The following HAUS4 variants were observed in gnomAD, a reference collection of about 807,000 sequenced individuals.
HAUS4 encodes HAUS augmin like complex subunit 4.
Under a neutral mutation model 50.6 loss-of-function variants are expected in HAUS4, and 34 were observed. The observed-to-expected ratio is 0.67, with a 90% CI of 0.51 to 0.90. The LOEUF (loss-of-function observed/expected upper bound fraction) is 0.90. Ranked by LOEUF, HAUS4 falls within the 40% of genes least tolerant of loss-of-function variation. The pLI, the probability that HAUS4 is intolerant of heterozygous loss-of-function variation, is 0.00. For synonymous variants in HAUS4, 149 were observed against 161.4 expected, an observed-to-expected ratio of 0.92 and a Z score of 0.58; for missense variants, 370 against 428.7, an observed-to-expected ratio of 0.86 and a Z score of 1.21.
In HAUS4 at chr14:22,952,414, C is replaced by G; in HGVS notation, c.244G>C (p.Glu82Gln). 6.2e-7 allele frequency: 1 copy of G among 1,614,098 alleles called. No homozygotes were observed. Among genetic ancestry groups the G allele is most frequent in the African/African-American group, 1.3e-5 (1 of 75,058 alleles). The change falls in exon 4 of 10, where the codon GAG becomes CAG. Residue 82 changes from glutamate (E) to glutamine (Q), a missense_variant. Transcript: ENST00000541587. ...TCTTGAATGACTCTGTGTAAAATCT[C>G]AGACCTCAACCATGTTGTCTTATGC... ...RLHKTTWLRS[E>Q]ILHRVIQELL... is the part of the protein sequence containing the mutation.
intron 5 of HAUS4, 139 bp downstream of exon 5, chr14:22,951,416 G>C (rs1344126154): frequency 1.1e-6 from 1 of 896,372 alleles, no homozygotes; most frequent in Non-Finnish European, 1.7e-6. Context: ...CCTGTGTAAC[G>C]TTTTTCTTAT....
chr14:22,952,120 C>T (rs1360109356), intron 4 of HAUS4, among the ~76,000 whole-genome samples: 1 of 152,136 alleles, frequency 6.6e-6, no homozygotes, highest in Non-Finnish European at 1.5e-5. Flanking sequence ...CAGGTTCAAG[C>T]GATTCTGCTG....
At chr14:22,949,281 G>A (rs183042101) in intron 6 of HAUS4, among the ~76,000 whole-genome samples, 2 of 152,096 alleles carry the variant, frequency 1.3e-5, no homozygotes, top group East Asian at 1.9e-4. Context: ...TGTAATCCCA[G>A]CACTTTGGGA....
chr14:22,955,003 GT>G, intron 2 of HAUS4, 96 bp downstream of exon 2: 1 of 894,274 alleles, frequency 1.1e-6, no homozygotes. Flanking sequence ...GGGATTACAG[GT>G]GTGAGCCAAT....
chr14:22,952,286 G>C lies in HAUS4; in HGVS notation c.330+42C>G, dbSNP rs370993820. On this transcript the variant is annotated intron_variant, in intron 4 of 9. Coordinates refer to ENST00000541587, the MANE Select transcript of HAUS4 (RefSeq NM_001166269.2). ...GCCTGCCTGGGGCTCCCAAAGTGCT[G>C]GGATTACAGGTGTTAGCCACCACGC... is the stretch of plus-strand genomic sequence containing the variant. The C allele has an allele frequency of 1.0e-4, 156 of 1,557,810 alleles. No individual in the cohort carries two copies. In the Middle Eastern group the frequency reaches 3.6e-3, roughly 36 times the overall value.
intron 1 of HAUS4, among the ~76,000 whole-genome samples, chr14:22,956,436 AT>A (rs1413695714): frequency 1.3e-5 from 2 of 152,194 alleles, no homozygotes; most frequent in Non-Finnish European, 2.9e-5. Context: ...TTGCAGGCAA[AT>A]TTCGCACTTG....
At chr14:22,947,845 G>A in intron 7 of HAUS4, 23 bp downstream of exon 7, 1 of 1,611,730 alleles carries the variant, frequency 6.2e-7, no homozygotes, top group Non-Finnish European at 8.5e-7. Context: ...AAAGGAAAGG[G>A]GCTGTCCCAT....
intron 7 of HAUS4, 22 bp from the exon 8 acceptor site, chr14:22,947,753 A>G: frequency 6.2e-7 from 1 of 1,613,666 alleles, no homozygotes; most frequent in Non-Finnish European, 8.5e-7. Flanking sequence ...ATGGAGGAAG[A>G]AGAGGGCATA....
chr14:22,947,826 G>A (rs1352866829), intron 7 of HAUS4, 42 bp downstream of exon 7: 1 of 1,610,622 alleles, frequency 6.2e-7, no homozygotes, highest in East Asian at 2.2e-5. Flanking sequence ...GTGCTCCTGG[G>A]GTCAGGATAA....
chr14:22,946,588 T>C lies in HAUS4; in HGVS notation c.1029A>G (p.Val343=), dbSNP rs1273215227. The C allele has an allele frequency of 6.2e-7, 1 of 1,614,030 alleles. No homozygotes were observed. Among genetic ancestry groups the C allele is most frequent in the Non-Finnish European group, 8.5e-7 (1 of 1,179,978 alleles). The change falls in exon 10 of 10, where the codon GTA becomes GTG. Residue 343 remains valine (V), a synonymous_variant. Transcript: ENST00000541587. ...GCTTGTTCTCTGTTGCCTGCTTGAG[T>C]ACGGTGTACTCTTTCACCAGCCTGT... ...EFDRLVKEYT[V]LKQATENKRW... is the part of the protein sequence containing the mutation.
At chr14:22,950,438 T>C in intron 5 of HAUS4, 28 bp from the exon 6 acceptor site, 1 of 1,403,396 alleles carries the variant, frequency 7.1e-7, no homozygotes, top group Non-Finnish European at 1.0e-6. Context: ...AAGGCAGAAA[T>C]GCGAATAGAC....
chr14:22,947,613 A>G lies in HAUS4; in HGVS notation c.827T>C (p.Ile276Thr), dbSNP rs1292663327. 1 of 1,614,174 alleles carries G rather than the reference A, an allele frequency of 6.2e-7. No individual in the cohort carries two copies. The highest frequency in any genetic ancestry group is 1.1e-5 in the South Asian group (1 of 91,080). ...QYLEVKCGAM[I>T]LKLRMEELKI... ...GGTCACAGCTCACCTCAGCTTAAGG[A>G]TCATAGCACCGCACTTGACTTCCAG... Residue 276 changes from isoleucine to threonine, a missense_variant, in exon 8 of 10, where the codon ATC becomes ACC. Physicochemically the swap from Ile to Thr is moderately conservative, Grantham distance 89. Transcript: ENST00000541587.
Position 22,946,663 on chromosome 14 carries a change from C to T in HAUS4, c.954G>A (p.Glu318=), listed in dbSNP as rs1033124759. Residue 318 remains glutamate (E), a synonymous_variant, in exon 10 of 10, where the codon GAG becomes GAA. Coordinates refer to ENST00000541587, the MANE Select transcript of HAUS4 (RefSeq NM_001166269.2). The part of the protein sequence containing the change: ...GAIHLQEQDM[E]NSRQVLNSYE... The stretch of plus-strand genomic sequence containing the variant: ...AGGAGTTCAGGACCTGTCTTGAGTT[C>T]TCCATGTCCTGCTCCTGTAGGTGAA... 7 of 1,613,584 alleles carry T rather than the reference C, an allele frequency of 4.3e-6. No homozygotes were observed. In the African/African-American group the frequency reaches 6.7e-5, roughly 15 times the overall value.
intron 4 of HAUS4, 66 bp downstream of exon 4, chr14:22,952,262 C>G: frequency 7.4e-7 from 1 of 1,343,428 alleles, no homozygotes; most frequent in Middle Eastern, 2.0e-4. Flanking sequence ...AAGTGATCAG[C>G]CTGCCTGGGG....
In HAUS4 at chr14:22,955,139, A is replaced by G. The variant is rs568080788; in HGVS notation, c.16T>C (p.Phe6Leu). 6.2e-7 allele frequency: 1 copy of G among 1,612,046 alleles called. No individual in the cohort carries two copies. Among genetic ancestry groups the G allele is most frequent in the Admixed American group, 1.7e-5 (1 of 60,010 alleles). ...TCCATCCCTTCTCCAGGTGAGCAGA[A>G]ATCCCCGGATGCCATTTGATTTTCT... MASGD[F>L]CSPGEGMEIL... The change falls in exon 2 of 10, where the codon TTC becomes CTC. Residue 6 changes from phenylalanine (F) to leucine (L), a missense_variant. Phe to Leu is a conservative substitution (Grantham distance 22). Coordinates refer to ENST00000541587, the MANE Select transcript of HAUS4 (RefSeq NM_001166269.2).
Position 22,951,581 on chromosome 14 carries a change from G to A in HAUS4, c.439C>T (p.Leu147Phe), listed in dbSNP as rs995904641. 3 of 1,613,994 alleles carry A rather than the reference G, an allele frequency of 1.9e-6. No individual in the cohort carries two copies. The highest frequency in any genetic ancestry group is 1.3e-5 in the African/African-American group (1 of 75,008). ...PPLLGLEKAD[L>F]LELMPLSEDF... is the part of the protein sequence containing the mutation. ...TCTGAGAGTGGCATGAGTTCCAGAA[G>A]GTCCGCTTTCTCCAGCCCCAGCAGT... Residue 147 changes from leucine to phenylalanine, a missense_variant, in exon 5 of 10, where the codon CTT (leucine) becomes TTT (phenylalanine). Leu to Phe is a conservative substitution (Grantham distance 22). Coordinates refer to ENST00000541587, the MANE Select transcript of HAUS4 (RefSeq NM_001166269.2).
At chr14:22,948,811 A>G (rs2044694236) in intron 6 of HAUS4, among the ~76,000 whole-genome samples, 2 of 152,100 alleles carry the variant, frequency 1.3e-5, no homozygotes, top group South Asian at 4.1e-4. Flanking sequence ...ATGGTATTAC[A>G]GGCGTAAGCC....
intron 1 of HAUS4, among the ~76,000 whole-genome samples, chr14:22,956,387 TTC>T (rs2044864306): frequency 6.6e-6 from 1 of 152,230 alleles, no homozygotes; most frequent in Non-Finnish European, 1.5e-5. Context: ...GTTTTAACAA[TTC>T]TGTTTATCGT....
chr14:22,950,798 A>G (rs571526366), intron 5 of HAUS4, among the ~76,000 whole-genome samples: 6 of 152,328 alleles, frequency 3.9e-5, no homozygotes, highest in Admixed American at 3.3e-4. Flanking sequence ...AAAAATGTGG[A>G]AACAACCTTA....
Sources: allele counts gnomAD v4.1 joint callset (sites outside exome capture counted in the v4.1 genomes callset), GRCh38; gene constraint gnomAD v4.1.1; transcripts MANE v1.5; gene names NCBI Gene and HGNC (gene_info 2026-07-23, HGNC 2026-07-21).